LAS1L: variants seen among roughly 807,000 people sequenced by gnomAD.
The protein encoded by LAS1L is ribosomal biogenesis protein LAS1L.
A neutral mutation model predicts 57.3 loss-of-function variants in LAS1L; 5 were observed. That is an observed-to-expected ratio of 0.09 (90% CI 0.05 to 0.18). The LOEUF (loss-of-function observed/expected upper bound fraction) is 0.18, where lower values mean the gene tolerates loss of function less well. Ranked by LOEUF, LAS1L falls within the 10% of genes least tolerant of loss-of-function variation. The probability of loss-of-function intolerance (pLI) is 1.00; values close to 1 mark genes in which losing one functional copy is unlikely to be tolerated. For missense variants in LAS1L, 360 were observed against 568.3 expected (o/e 0.63, Z 3.73); for synonymous variants, 245 against 231.7 (o/e 1.06, Z -0.52).
At chrX:65,517,250 C>CTTTCT (rs2068671971) in intron 12 of LAS1L, among the ~76,000 whole-genome samples, 2 of 83,323 alleles carry the variant, frequency 2.4e-5, no homozygotes, top group Non-Finnish European at 4.2e-5. Flanking sequence ...TTCTTTCTTT[C>CTTTCT]TTTTTTTTTT....
intron 9 of LAS1L, 37 bp from the exon 10 acceptor site, chrX:65,524,299 G>GGA (rs749847829): frequency 2.7e-5 from 29 of 1,059,068 alleles, no homozygotes; most frequent in African/African-American, 5.5e-5. Flanking sequence ...GGGGGCAATA[G>GGA]GAGAGAGAGA....
rs1453737436 is a variant in LAS1L, at chrX:65,534,732, G to A, written c.-17C>T. 5 of 1,123,391 alleles carry A rather than the reference G, an allele frequency of 4.5e-6. No individual in the cohort carries two copies. The highest frequency in any genetic ancestry group is 1.8e-5 in the African/African-American group (1 of 54,523). The allele number at this position is 1,123,391 out of a possible 1,213,427, so 92.6% of individuals were successfully genotyped here. ...CCACGACATACTGAGCTCAACAACA[G>A]GCTCTGTGCCGCGCCGCTCCGCACA... is the stretch of plus-strand genomic sequence containing the variant. On this transcript the variant is annotated 5_prime_UTR_variant, in exon 1 of 14. Coordinates refer to ENST00000374811, the MANE Select transcript of LAS1L (RefSeq NM_031206.7).
intron 9 of LAS1L, 133 bp from the exon 10 acceptor site, chrX:65,524,395 C>T: frequency 1.9e-6 from 1 of 526,435 alleles, no homozygotes; most frequent in Non-Finnish European, 3.3e-6. Flanking sequence ...CGCGCATGAG[C>T]CAAGCCCCCC....
chrX:65,527,760 G>T (rs2069241241), intron 7 of LAS1L, among the ~76,000 whole-genome samples: 1 of 108,402 alleles, frequency 9.2e-6, no homozygotes, highest in Non-Finnish European at 1.9e-5. Context: ...TTGAACCCGG[G>T]AGGTGGAGGT....
chrX:65,530,717 G>C lies in LAS1L; in HGVS notation c.514+640C>G, dbSNP rs192544554. Among the ~76,000 whole-genome samples, 543 of 108,406 alleles carry C rather than the reference G, an allele frequency of 5.0e-3. 2 individuals are homozygous for C. Among genetic ancestry groups the C allele is most frequent in the African/African-American group, 0.016 (479 of 29,581 alleles). 94.1% of individuals were successfully genotyped at this position (108,406 alleles called of 115,157 possible). On this transcript the variant is annotated intron_variant, in intron 4 of 13. Coordinates refer to ENST00000374811, the MANE Select transcript of LAS1L (RefSeq NM_031206.7). ...TAATCCCAGCTACTCAGGAGGTGGA[G>C]ACAGGAGAATCACTTGAACCCAGGA...
chrX:65,514,114 C>G (rs944712700), intron 13 of LAS1L, among the ~76,000 whole-genome samples: 1 of 112,157 alleles, frequency 8.9e-6, no homozygotes, highest in African/African-American at 3.2e-5. Flanking sequence ...GCAGGGGTTC[C>G]TCTCTAGTAC....
At chrX:65,517,759 T>C (rs1429904875) in intron 12 of LAS1L, among the ~76,000 whole-genome samples, 1 of 112,681 alleles carries the variant, frequency 8.9e-6, no homozygotes, top group Non-Finnish European at 1.9e-5. Context: ...CCTCTCAGAA[T>C]GTGCTCTTAT....
In LAS1L at chrX:65,534,730, C is replaced by A. The variant is rs2069722422; in HGVS notation, c.-15G>T. The A allele has an allele frequency of 8.8e-7, 1 of 1,129,949 alleles. No individual in the cohort carries two copies. Among genetic ancestry groups the A allele is most frequent in the African/African-American group, 1.8e-5 (1 of 54,764 alleles). The allele number at this position is 1,129,949 out of a possible 1,213,427, so 93.1% of individuals were successfully genotyped here. Reference sequence around the variant, plus strand: ...TCCCACGACATACTGAGCTCAACAACAGGCTCTGTGCCGCGCCGCTCCGCA... The same window carrying A: ...TCCCACGACATACTGAGCTCAACAAAAGGCTCTGTGCCGCGCCGCTCCGCA... On this transcript the variant is annotated 5_prime_UTR_variant, in exon 1 of 14. Coordinates refer to ENST00000374811, the MANE Select transcript of LAS1L (RefSeq NM_031206.7).
At chrX:65,528,606 G>A (rs1288665178) in intron 6 of LAS1L, among the ~76,000 whole-genome samples, 1 of 112,476 alleles carries the variant, frequency 8.9e-6, no homozygotes, top group East Asian at 2.8e-4. Context: ...ATTTCCTGTG[G>A]GTAAATACTG....
In LAS1L at chrX:65,534,774, G is replaced by A; in HGVS notation, c.-59C>T. The stretch of plus-strand genomic sequence containing the variant: ...CTCCGCACAGCCTTCAGCTCAGCGT[G>A]CTACCCTCACTCCGAACCGCCACCG... On this transcript the variant is annotated 5_prime_UTR_variant, in exon 1 of 14. Coordinates refer to ENST00000374811, the MANE Select transcript of LAS1L (RefSeq NM_031206.7). The A allele has an allele frequency of 1.0e-6, 1 of 973,480 alleles. No homozygotes were observed. Among genetic ancestry groups the A allele is most frequent in the Non-Finnish European group, 1.4e-6 (1 of 707,171 alleles). 80.2% of individuals were successfully genotyped at this position (973,480 alleles called of 1,213,427 possible).
chrX:65,521,727 G>A (rs1289997987), intron 11 of LAS1L: 1 of 111,634 alleles, frequency 9.0e-6, no homozygotes, highest in Non-Finnish European at 1.9e-5. Flanking sequence ...ATAGGAACTA[G>A]TAATAAGCAC....
chrX:65,531,498 G>C (rs1312693147), intron 3 of LAS1L, 60 bp from the exon 4 acceptor site: 1 of 857,649 alleles, frequency 1.2e-6, no homozygotes, highest in African/African-American at 2.0e-5. Flanking sequence ...AGCTGGAAGG[G>C]AGCCAGAGAT....
chrX:65,516,636 TAC>T (rs57356313), intron 12 of LAS1L, among the ~76,000 whole-genome samples: 950 of 89,356 alleles, frequency 0.011, 3 homozygotes, highest in South Asian at 0.027. Flanking sequence ...CTTTTTCCTA[TAC>T]ACACACACAC....
chrX:65,521,167 T>A (rs192297158), intron 11 of LAS1L: 1 of 754,212 alleles, frequency 1.3e-6, no homozygotes. Context: ...CCAAATGCCA[T>A]CAGGGTTAAA....
intron 5 of LAS1L, 51 bp from the exon 6 acceptor site, chrX:65,529,309 C>T: frequency 9.7e-7 from 1 of 1,028,034 alleles, no homozygotes; most frequent in Non-Finnish European, 1.4e-6. Flanking sequence ...GACCCCTTCT[C>T]CTGATGGGAT....
chrX:65,518,204 C>T lies in LAS1L; in HGVS notation c.1710G>A (p.Glu570=), dbSNP rs1294139079. The T allele has an allele frequency of 8.3e-7, 1 of 1,210,716 alleles. No individual in the cohort carries two copies. Among genetic ancestry groups the T allele is most frequent in the Non-Finnish European group, 1.1e-6 (1 of 894,374 alleles). ...SVNDVKEEEK[E]EKEVLPDQVE... ...CCTGGTCTGGCAAGACCTCTTTCTCCTCCTTCTCCTCTTCCTTGACATCAT... is the reference window on the plus strand; with the variant it reads ...CCTGGTCTGGCAAGACCTCTTTCTCTTCCTTCTCCTCTTCCTTGACATCAT... The change falls in exon 12 of 14, where the codon GAG becomes GAA. Residue 570 remains glutamate (E), a synonymous_variant. Transcript: ENST00000374811.
intron 4 of LAS1L, 147 bp from the exon 5 acceptor site, chrX:65,530,025 A>G: frequency 1.2e-5 from 6 of 505,189 alleles, no homozygotes; most frequent in Non-Finnish European, 1.6e-5. Flanking sequence ...AGCCTCTTTC[A>G]CTCTGGGTTA....
intron 4 of LAS1L, among the ~76,000 whole-genome samples, chrX:65,530,797 G>A (rs1035648142): frequency 2.0e-5 from 2 of 98,932 alleles, no homozygotes; most frequent in African/African-American, 8.2e-5. Context: ...CTGGGTGACA[G>A]AGTGAGACTC....
intron 6 of LAS1L, among the ~76,000 whole-genome samples, chrX:65,528,919 G>A (rs987228543): frequency 8.9e-6 from 1 of 111,831 alleles, no homozygotes; most frequent in African/African-American, 3.2e-5. Context: ...GGTCAGCTGC[G>A]GAATTGCAGG....
Sources: allele counts gnomAD v4.1 joint callset (sites outside exome capture counted in the v4.1 genomes callset), GRCh38; gene constraint gnomAD v4.1.1; transcripts MANE v1.5; gene names NCBI Gene and HGNC (gene_info 2026-07-23, HGNC 2026-07-21).